Variants in BTBD9 observed in about 807,000 individuals in gnomAD.
BTBD9 encodes the protein BTB/POZ domain-containing protein 9.
Under a neutral mutation model 64.3 loss-of-function variants are expected in BTBD9, and 49 were observed. The ratio of observed to expected loss-of-function variants is 0.76; its 90% CI spans 0.61 to 0.97. The LOEUF is 0.97. BTBD9 is among the 50% of genes least tolerant of loss of function. BTBD9 has a pLI of 0.00. For synonymous variants in BTBD9, 260 were observed against 274.7 expected, an observed-to-expected ratio of 0.95 and a Z score of 0.53; for missense variants, 598 against 762.1, an observed-to-expected ratio of 0.78 and a Z score of 2.53.
chr6:38,180,230 G>A (rs1761488128), intron 10 of BTBD9, among the ~76,000 whole-genome samples: 1 of 152,230 alleles, frequency 6.6e-6, no homozygotes, highest in African/African-American at 2.4e-5. Flanking sequence ...TCCCGATTCT[G>A]TTCTTGGGAG....
intron 6 of BTBD9, among the ~76,000 whole-genome samples, chr6:38,533,123 T>C (rs1018455009): frequency 2.6e-5 from 4 of 151,434 alleles, no homozygotes; most frequent in African/African-American, 9.7e-5. Context: ...AAAATAATAA[T>C]AATAATAAAA....
At chr6:38,303,079 A>G (rs995505611) in intron 7 of BTBD9, among the ~76,000 whole-genome samples, 15 of 152,160 alleles carry the variant, frequency 9.9e-5, no homozygotes, top group Non-Finnish European at 1.9e-4. Context: ...AGATTCTCCC[A>G]TTCTGTAAAC....
At chr6:38,426,491 T>G (rs1242971038) in intron 6 of BTBD9, among the ~76,000 whole-genome samples, 1 of 151,930 alleles carries the variant, frequency 6.6e-6, no homozygotes, top group Admixed American at 6.5e-5. Context: ...TGGCCCGTGT[T>G]TGTTAGGGCT....
chr6:38,560,712 T>C (rs1775228787), intron 6 of BTBD9, among the ~76,000 whole-genome samples: 7 of 152,192 alleles, frequency 4.6e-5, no homozygotes, highest in Admixed American at 4.6e-4. Flanking sequence ...TAGCTATTTT[T>C]CTGATCCTCT....
chr6:38,538,624 C>T (rs1774125884), intron 6 of BTBD9, among the ~76,000 whole-genome samples: 1 of 151,736 alleles, frequency 6.6e-6, no homozygotes, highest in South Asian at 2.1e-4. Context: ...CTTTGTTTAC[C>T]TTCCCCCGCC....
At chr6:38,204,837 G>A (rs1489010107) in intron 9 of BTBD9, among the ~76,000 whole-genome samples, 2 of 149,380 alleles carry the variant, frequency 1.3e-5, no homozygotes, top group South Asian at 2.1e-4. Flanking sequence ...ACAGCTTCAG[G>A]AAAAAAAAAC....
chr6:38,301,384 T>C (rs1267504236), intron 7 of BTBD9, among the ~76,000 whole-genome samples: 2 of 152,240 alleles, frequency 1.3e-5, no homozygotes, highest in African/African-American at 2.4e-5. Context: ...TAAAATGAGT[T>C]AGGGAGGATT....
intron 6 of BTBD9, among the ~76,000 whole-genome samples, chr6:38,565,125 T>C (rs539822939): frequency 2.0e-5 from 3 of 152,328 alleles, no homozygotes; most frequent in African/African-American, 7.2e-5. Flanking sequence ...AAAGTTTGAC[T>C]GGTTTTTCTT....
chr6:38,626,677 T>C (rs1292158726), intron 1 of BTBD9, among the ~76,000 whole-genome samples: 4 of 152,224 alleles, frequency 2.6e-5, no homozygotes, highest in African/African-American at 9.7e-5. Flanking sequence ...ACTATTTATA[T>C]GGAATAAGTT....
intron 7 of BTBD9, among the ~76,000 whole-genome samples, chr6:38,330,572 AT>A (rs532135012): frequency 5.3e-4 from 80 of 152,072 alleles, no homozygotes; most frequent in African/African-American, 1.8e-3. Context: ...CTAAAAAAAA[AT>A]TTTTTTTAAT....
intron 6 of BTBD9, among the ~76,000 whole-genome samples, chr6:38,428,403 C>G (rs1300636320): frequency 1.3e-5 from 2 of 151,710 alleles, no homozygotes; most frequent in Non-Finnish European, 2.9e-5. Flanking sequence ...CACCCCCACC[C>G]ACTCCCAACT....
In BTBD9 at chr6:38,598,964, T is replaced by C. The variant is rs564532527; in HGVS notation, c.-27-843A>G. ...AATCTTCTGGAGTCACAAAAATAAC[T>C]TGACATTTATTAATGAACATTTGCA... On this transcript the variant is annotated intron_variant, in intron 1 of 10. Transcript: ENST00000481247. Among the ~76,000 whole-genome samples the C allele has an allele frequency of 1.5e-3, 231 of 152,166 alleles. 1 individual carries two copies. The highest frequency in any genetic ancestry group is 0.014 in the South Asian group (69 of 4,820).
At chr6:38,215,243 G>C (rs1294524631) in intron 9 of BTBD9, among the ~76,000 whole-genome samples, 1 of 152,156 alleles carries the variant, frequency 6.6e-6, no homozygotes, top group Admixed American at 6.5e-5. Context: ...TTACTGTCTG[G>C]CAATTCACCT....
intron 1 of BTBD9, among the ~76,000 whole-genome samples, chr6:38,608,148 G>A (rs1777492070): frequency 6.6e-6 from 1 of 151,966 alleles, no homozygotes; most frequent in South Asian, 2.1e-4. Context: ...TCCCTATAAG[G>A]CAATCTCCCA....
intron 6 of BTBD9, among the ~76,000 whole-genome samples, chr6:38,572,417 C>A (rs747443696): frequency 6.6e-6 from 1 of 152,066 alleles, no homozygotes; most frequent in Non-Finnish European, 1.5e-5. Flanking sequence ...TCATCACTTA[C>A]GGCCTCTAAT....
intron 8 of BTBD9, among the ~76,000 whole-genome samples, chr6:38,265,757 C>T (rs988698311): frequency 6.6e-6 from 1 of 152,058 alleles, no homozygotes; most frequent in Non-Finnish European, 1.5e-5. Context: ...TGGGCTCAAG[C>T]GACCTGCCTG....
At chr6:38,623,278 A>G (rs535384022) in intron 1 of BTBD9, among the ~76,000 whole-genome samples, 1 of 152,238 alleles carries the variant, frequency 6.6e-6, no homozygotes, top group Non-Finnish European at 1.5e-5. Context: ...ATTAGACTCT[A>G]TCAGTGCCCC....
At chr6:38,523,657 A>G (rs1296474705) in intron 6 of BTBD9, among the ~76,000 whole-genome samples, 12 of 152,176 alleles carry the variant, frequency 7.9e-5, no homozygotes, top group Non-Finnish European at 1.6e-4. Flanking sequence ...TCCCACCATA[A>G]GTTCTTCCAA....
intron 6 of BTBD9, among the ~76,000 whole-genome samples, chr6:38,432,363 T>C (rs4565302): frequency 0.12 from 17,775 of 152,020 alleles, 1,236 homozygotes; most frequent in Non-Finnish European, 0.13. Context: ...CACTCATTCC[T>C]GAGCGGGAGG....
Sources: gnomAD v4.1 joint callset for allele counts (sites outside exome capture counted in the v4.1 genomes callset) on GRCh38, gnomAD v4.1.1 for gene constraint, MANE v1.5 for transcripts, NCBI Gene and HGNC (gene_info 2026-07-23, HGNC 2026-07-21) for gene names.